The following SMARCE1 variants were observed in gnomAD, a reference collection of about 807,000 sequenced individuals.
The protein encoded by SMARCE1 is SWI/SNF related BAF chromatin remodeling complex subunit E1, also known as SWI/SNF-related matrix-associated actin-dependent regulator of chromatin subfamily E member 1.
A neutral mutation model predicts 54.9 loss-of-function variants in SMARCE1; 13 were observed. That is an observed-to-expected ratio of 0.24 (90% CI 0.15 to 0.38). The LOEUF (loss-of-function observed/expected upper bound fraction) is 0.38. SMARCE1 is among the 10% of genes least tolerant of loss of function. The pLI, the probability that SMARCE1 is intolerant of heterozygous loss-of-function variation, is 1.00. For missense variants in SMARCE1, 295 were observed against 523.8 expected, an observed-to-expected ratio of 0.56 and a Z score of 4.26; for synonymous variants, 151 against 175.3, an observed-to-expected ratio of 0.86 and a Z score of 1.10.
chr17:40,632,555 G>A, intron 7 of SMARCE1, 188 bp from the exon 8 acceptor site: 1 of 543,418 alleles, frequency 1.8e-6, no homozygotes, highest in Non-Finnish European at 3.2e-6. Flanking sequence ...TGTGTTCATT[G>A]GCCAAGGTAG....
intron 1 of SMARCE1, chr17:40,647,275 G>A (rs1240872593): frequency 1.3e-5 from 2 of 152,222 alleles, no homozygotes; most frequent in African/African-American, 4.8e-5. Flanking sequence ...CCATTTTACA[G>A]ATGAAACAAG....
chr17:40,629,203 T>C (rs2037066400), intron 10 of SMARCE1: 2 of 551,022 alleles, frequency 3.6e-6, no homozygotes, highest in Non-Finnish European at 6.4e-6. Context: ...ATGAATGAAA[T>C]TTATTAAATA....
At chr17:40,636,684 G>T in intron 5 of SMARCE1, 158 bp from the exon 6 acceptor site, 1 of 565,296 alleles carries the variant, frequency 1.8e-6, no homozygotes, top group South Asian at 2.3e-5. Context: ...ATCAAGAACT[G>T]GCCAATCTCA....
chr17:40,630,866 G>A lies in SMARCE1; in HGVS notation c.875C>T (p.Ala292Val). ...MEKIAAEIAQ[A>V]EEQARKRQEE... Reference sequence around the variant, plus strand: ...CTGCCTTTTGCGGGCCTGTTCCTCTGCCTGTGCAATCTCAGCTGCAATTTT... The same window carrying A: ...CTGCCTTTTGCGGGCCTGTTCCTCTACCTGTGCAATCTCAGCTGCAATTTT... Residue 292 changes from alanine to valine, a missense_variant, in exon 10 of 11, where the codon GCA becomes GTA. By Grantham distance (64) the Ala-to-Val change is moderately conservative (BLOSUM62 0). This residue lies in a region of SMARCE1 where 147 missense variants were observed against 161.4 expected (regional missense o/e 0.91). Transcript: ENST00000348513. 1 of 1,613,774 alleles carries A rather than the reference G, an allele frequency of 6.2e-7. No individual in the cohort carries two copies.
At chr17:40,629,515 T>TA in intron 10 of SMARCE1, 1 of 1,224,160 alleles carries the variant, frequency 8.2e-7, no homozygotes, top group Middle Eastern at 3.1e-4. Context: ...GTTGTAGAAA[T>TA]AATATAAGGT....
At chr17:40,643,935 G>T in intron 3 of SMARCE1, 1 of 153,122 alleles carries the variant, frequency 6.5e-6, no homozygotes. Context: ...TACTTGCAGC[G>T]GTACATTTGG....
rs148230428 is a variant in SMARCE1, at chr17:40,632,010, T to C, written c.714+185A>G. 1.2e-3 allele frequency: 691 copies of C among 576,978 alleles called. 6 individuals carry two copies. The highest frequency in any genetic ancestry group is 0.012 in the African/African-American group (619 of 53,516). The allele number at this position is 576,978 out of a possible 1,614,324, so 35.7% of individuals were successfully genotyped here. On this transcript the variant is annotated intron_variant, in intron 8 of 10. Coordinates refer to ENST00000348513, the MANE Select transcript of SMARCE1 (RefSeq NM_003079.5). ...CTTTCCATTACAAGGTTCTATATTA[T>C]AGTTTTTAATGACAAACTTATTAAA...
chr17:40,628,827 C>G lies in SMARCE1; in HGVS notation c.1194G>C (p.Glu398Asp), dbSNP rs1304692957. ...CTTCTGGTATGGGATCTGTTGGTGG[C>G]TCCTCCACTGTTGCACTGTTGCTCT... ...GSESNSATVE[E>D]PPTDPIPEDE... is the part of the protein sequence containing the mutation. Residue 398 changes from glutamate to aspartate, a missense_variant, in exon 11 of 11, where the codon GAG becomes GAC. Physicochemically the swap from Glu to Asp is conservative, Grantham distance 45. This residue lies in a region of SMARCE1 where 147 missense variants were observed against 161.4 expected (regional missense o/e 0.91). Coordinates refer to ENST00000348513, the MANE Select transcript of SMARCE1 (RefSeq NM_003079.5). 6.2e-7 allele frequency: 1 copy of G among 1,613,806 alleles called. No homozygotes were observed. The highest frequency in any genetic ancestry group is 8.5e-7 in the Non-Finnish European group (1 of 1,179,818).
intron 5 of SMARCE1, 67 bp from the exon 6 acceptor site, chr17:40,636,593 T>C: frequency 1.5e-6 from 2 of 1,304,780 alleles, no homozygotes; most frequent in South Asian, 2.6e-5. Context: ...AAAATAGTTT[T>C]TAATGTGGAA....
At chr17:40,633,851 T>C (rs1180994872) in intron 7 of SMARCE1, 1 of 152,248 alleles carries the variant, frequency 6.6e-6, no homozygotes, top group African/African-American at 2.4e-5. Flanking sequence ...GGGTTATATA[T>C]GGTACATCTG....
In SMARCE1 at chr17:40,642,702, T is replaced by C. The variant is rs2037211155; in HGVS notation, c.52-143A>G. 2 of 584,990 alleles carry C rather than the reference T, an allele frequency of 3.4e-6. No individual in the cohort carries two copies. The highest frequency in any genetic ancestry group is 6.0e-6 in the Non-Finnish European group (2 of 332,324). 36.2% of individuals were successfully genotyped at this position (584,990 alleles called of 1,614,324 possible). On this transcript the variant is annotated intron_variant, in intron 3 of 10. Coordinates refer to ENST00000348513, the MANE Select transcript of SMARCE1 (RefSeq NM_003079.5). This position sits in a 1 kb window ranked among gnomAD's most constrained non-coding sequence, Gnocchi z 4.6. Reference sequence around the variant, plus strand: ...ATGATGTGTTGTAATTGTTCTTTTTTTCCACTGAGGAAATTAAATATTTTT... The same window carrying C: ...ATGATGTGTTGTAATTGTTCTTTTTCTCCACTGAGGAAATTAAATATTTTT...
rs1060501398 is a variant in SMARCE1, at chr17:40,630,725, G to C, written c.1016C>G (p.Pro339Arg). ...TGCTAGTGGGTTACCTGTCTCCATC[G>C]GAATGTTCTCGTCGTCTTTCTTCTC... ...GEEKKDDENIPMETEETHLEE... is the reference protein window; with the variant it reads ...GEEKKDDENIRMETEETHLEE... Residue 339 changes from proline (P) to arginine (R), a missense_variant, in exon 10 of 11, where the codon CCG becomes CGG. This residue lies in a region of SMARCE1 where 147 missense variants were observed against 161.4 expected (regional missense o/e 0.91). Transcript: ENST00000348513. 1 of 1,613,850 alleles carries C rather than the reference G, an allele frequency of 6.2e-7. No individual in the cohort carries two copies. The highest frequency in any genetic ancestry group is 1.1e-5 in the South Asian group (1 of 91,066).
chr17:40,634,691 A>ATC lies in SMARCE1; in HGVS notation c.541+1238_541+1239dup, dbSNP rs2037128565. On this transcript the variant is annotated intron_variant, in intron 7 of 10. Coordinates refer to ENST00000348513, the MANE Select transcript of SMARCE1 (RefSeq NM_003079.5). ...CAAGTTTCAGACTGTTTCTGAGTGAATCTCTTTAGTCCTTCTCAGTGTTCA... is the reference window on the plus strand; with the variant it reads ...CAAGTTTCAGACTGTTTCTGAGTGAATCTCTCTTTAGTCCTTCTCAGTGTTCA... The ATC allele has an allele frequency of 3.9e-5, 6 of 152,252 alleles. No individual in the cohort carries two copies. In the South Asian group the frequency reaches 6.2e-4, roughly 16 times the overall value. 9.4% of individuals were successfully genotyped at this position (152,252 alleles called of 1,614,324 possible).
At chr17:40,645,503 C>A in intron 3 of SMARCE1, 73 bp downstream of exon 3, 1 of 837,624 alleles carries the variant, frequency 1.2e-6, no homozygotes, top group Non-Finnish European at 1.9e-6. Context: ...GAGTGACTGT[C>A]ACTGGAAGAC....
rs1416540182 is a variant in SMARCE1 at position 40,627,958 on chromosome 17, A to G, written c.*827T>C. 6.6e-6 allele frequency: 1 copy of G among 152,634 alleles called. No homozygotes were observed. The highest frequency in any genetic ancestry group is 1.5e-5 in the Non-Finnish European group (1 of 68,040). 9.5% of individuals were successfully genotyped at this position (152,634 alleles called of 1,614,324 possible). A position where few individuals can be genotyped will look rare whatever the true frequency, so the allele number is the denominator to read the frequency against. Reference sequence around the variant, plus strand: ...TTTCAAGTGGATTAACTTAATTCCCAGCTGTTTTTCTTCTGGAATGGGCTA... The same window carrying G: ...TTTCAAGTGGATTAACTTAATTCCCGGCTGTTTTTCTTCTGGAATGGGCTA... On this transcript the variant is annotated 3_prime_UTR_variant, in exon 11 of 11. Coordinates refer to ENST00000348513, the MANE Select transcript of SMARCE1 (RefSeq NM_003079.5).
At position 40,631,703 on chromosome 17, in the gene SMARCE1, A is replaced by G; in HGVS notation, c.715-10T>C. 1 of 1,484,020 alleles carries G rather than the reference A, an allele frequency of 6.7e-7. No individual in the cohort carries two copies. 91.9% of individuals were successfully genotyped at this position (1,484,020 alleles called of 1,614,324 possible). A position where few individuals can be genotyped will look rare whatever the true frequency, so the allele number is the denominator to read the frequency against. ...CAGCTTCTAGTTTTCGCTGCAAGAC[A>G]GGATCAGGCTTCATAATTGTGTCTC... On this transcript the variant is annotated splice_polypyrimidine_tract_variant and intron_variant, in intron 8 of 10. Transcript: ENST00000348513.
At chr17:40,646,719 A>C (rs555576846) in intron 1 of SMARCE1, among the ~76,000 whole-genome samples, 4 of 152,322 alleles carry the variant, frequency 2.6e-5, no homozygotes, top group Admixed American at 2.6e-4. Flanking sequence ...GAGGTACAAA[A>C]AGACAAAAAT....
intron 3 of SMARCE1, chr17:40,643,595 T>C (rs2037220230): frequency 6.6e-6 from 1 of 152,236 alleles, no homozygotes; most frequent in Non-Finnish European, 1.5e-5. Context: ...TATTTTACCT[T>C]GTAAAATTCA....
intron 4 of SMARCE1, among the ~76,000 whole-genome samples, chr17:40,639,575 CAAAG>C (rs943414392): frequency 2.0e-5 from 3 of 151,924 alleles, no homozygotes; most frequent in African/African-American, 7.3e-5. Context: ...TCCTTTCTCC[CAAAG>C]AAAGGTACAC....
Sources: allele counts gnomAD v4.1 joint callset (sites outside exome capture counted in the v4.1 genomes callset), GRCh38; gene constraint gnomAD v4.1.1; regional missense constraint gnomAD v4.1.1; non-coding constraint Gnocchi (gnomAD v3.1); transcripts MANE v1.5; gene names NCBI Gene and HGNC (gene_info 2026-07-23, HGNC 2026-07-21).